REEP1: variants seen among roughly 807,000 people sequenced by gnomAD.
REEP1 encodes the protein receptor expression-enhancing protein 1.
REEP1 carries 22 observed loss-of-function variants against 40.3 expected under a neutral mutation model. The observed-to-expected ratio is 0.55, with a 90% CI of 0.39 to 0.78. The LOEUF (loss-of-function observed/expected upper bound fraction) is 0.78. REEP1 is among the 30% of genes least tolerant of loss of function. The pLI, the probability that REEP1 is intolerant of heterozygous loss-of-function variation, is 0.00. For synonymous variants in REEP1, 116 were observed against 139.2 expected (o/e 0.83, Z 1.17); for missense variants, 280 against 361.1 (o/e 0.78, Z 1.82).
chr2:86,220,689 T>C (rs1264544765), intron 7 of REEP1, among the ~76,000 whole-genome samples: 2 of 140,770 alleles, frequency 1.4e-5, no homozygotes, highest in African/African-American at 2.5e-5. Context: ...TAAACAAAGC[T>C]ATATAGTTTT....
intron 2 of REEP1, among the ~76,000 whole-genome samples, chr2:86,274,834 A>G (rs577355065): frequency 1.3e-5 from 2 of 152,260 alleles, no homozygotes; most frequent in South Asian, 4.1e-4. Context: ...GATGGGAAAG[A>G]TGCTGTGACC....
chr2:86,308,399 A>T lies in REEP1; in HGVS notation c.33-26157T>A, dbSNP rs1005706001. On this transcript the variant is annotated intron_variant, in intron 1 of 8. Transcript: ENST00000538924. ...TCTACTAAAAATACAAAAAAAAATT[A>T]GCTGGGCGTGGTAGTGCACGCCTGT... Among the ~76,000 whole-genome samples, 4 of 151,986 alleles carry T rather than the reference A, an allele frequency of 2.6e-5. No individual in the cohort carries two copies. In the South Asian group the frequency reaches 8.3e-4, roughly 31 times the overall value.
intron 1 of REEP1, among the ~76,000 whole-genome samples, chr2:86,318,983 C>T (rs1373003906): frequency 6.6e-6 from 1 of 152,090 alleles, no homozygotes; most frequent in Admixed American, 6.5e-5. Context: ...TATTCGATAT[C>T]AGTGTAAAAT....
At chr2:86,335,135 A>C (rs940756211) in intron 1 of REEP1, among the ~76,000 whole-genome samples, 3 of 152,224 alleles carry the variant, frequency 2.0e-5, no homozygotes, top group Non-Finnish European at 4.4e-5. Context: ...GCAATACAGG[A>C]AAATTTCTTG....
At chr2:86,283,239 C>G (rs139251590) in intron 1 of REEP1, among the ~76,000 whole-genome samples, 1 of 152,296 alleles carries the variant, frequency 6.6e-6, no homozygotes, top group African/African-American at 2.4e-5. Context: ...TTGCTCAACA[C>G]TGTGTTCCCA....
chr2:86,238,975 G>C (rs896463572), intron 5 of REEP1, among the ~76,000 whole-genome samples: 1 of 151,954 alleles, frequency 6.6e-6, no homozygotes, highest in Non-Finnish European at 1.5e-5. Context: ...AAGGCTACGT[G>C]GTTTCTTCGT....
chr2:86,278,672 T>C (rs1677897276), intron 2 of REEP1, among the ~76,000 whole-genome samples: 1 of 152,212 alleles, frequency 6.6e-6, no homozygotes, highest in Admixed American at 6.5e-5. Flanking sequence ...AGTCCTGTTA[T>C]TTGGGCCCCT....
intron 1 of REEP1, among the ~76,000 whole-genome samples, chr2:86,315,961 G>A (rs1441152770): frequency 4.6e-5 from 7 of 152,150 alleles, no homozygotes; most frequent in Admixed American, 3.3e-4. Flanking sequence ...CTCTCTCTCT[G>A]GGAGAGATGC....
intron 1 of REEP1, among the ~76,000 whole-genome samples, chr2:86,319,240 G>T (rs1680169280): frequency 6.6e-6 from 1 of 152,302 alleles, no homozygotes; most frequent in South Asian, 2.1e-4. Flanking sequence ...GGGCGAGGCT[G>T]AGAATTTACA....
At chr2:86,228,301 C>A (rs369812486) in intron 6 of REEP1, among the ~76,000 whole-genome samples, 1 of 152,148 alleles carries the variant, frequency 6.6e-6, no homozygotes, top group East Asian at 1.9e-4. Context: ...GAGCTTGCAG[C>A]GCTGAGTGAC....
chr2:86,337,682 C>A, upstream of REEP1: 1 of 999,836 alleles, frequency 1.0e-6, no homozygotes, highest in South Asian at 4.6e-5. This position sits in a 1 kb window ranked among gnomAD's most constrained non-coding sequence, Gnocchi z 5.8. Context: ...GCGGCACGTT[C>A]TGGCGGCGGC....
intron 7 of REEP1, among the ~76,000 whole-genome samples, chr2:86,223,159 GT>G (rs1674515082): frequency 6.6e-6 from 1 of 152,242 alleles, no homozygotes; most frequent in Non-Finnish European, 1.5e-5. Flanking sequence ...AAAGGGCAGG[GT>G]TTCTGCCGTC....
intron 1 of REEP1, among the ~76,000 whole-genome samples, chr2:86,331,713 T>A (rs1680774384): frequency 6.6e-6 from 1 of 151,998 alleles, no homozygotes; most frequent in Admixed American, 6.6e-5. Context: ...CAGGAGGAGA[T>A]GTTAACTCAA....
chr2:86,276,180 A>G (rs918353010), intron 2 of REEP1, among the ~76,000 whole-genome samples: 3 of 152,176 alleles, frequency 2.0e-5, no homozygotes, highest in Non-Finnish European at 4.4e-5. Flanking sequence ...CCTGGCCACA[A>G]CCACTGCTCA....
At chr2:86,306,015 T>C (rs552093439) in intron 1 of REEP1, among the ~76,000 whole-genome samples, 5 of 152,316 alleles carry the variant, frequency 3.3e-5, no homozygotes, top group African/African-American at 4.8e-5. Flanking sequence ...ATGTTTTCAT[T>C]TTGCTATGAA....
chr2:86,303,052 T>C (rs1390455567), intron 1 of REEP1, among the ~76,000 whole-genome samples: 2 of 152,128 alleles, frequency 1.3e-5, no homozygotes, highest in South Asian at 2.1e-4. Context: ...AAAATATTTT[T>C]ATTTTTTAGA....
intron 5 of REEP1, among the ~76,000 whole-genome samples, chr2:86,241,122 C>T (rs973873081): frequency 6.6e-6 from 1 of 152,208 alleles, no homozygotes; most frequent in Non-Finnish European, 1.5e-5. Context: ...CCAGGAGGGA[C>T]CCTCCACATA....
intron 1 of REEP1, among the ~76,000 whole-genome samples, chr2:86,307,186 A>G (rs1679525096): frequency 6.6e-6 from 1 of 151,194 alleles, no homozygotes; most frequent in South Asian, 2.1e-4. Context: ...CCTGGGCAAC[A>G]CAGCAATACT....
intron 4 of REEP1, among the ~76,000 whole-genome samples, chr2:86,252,401 C>T (rs1437202027): frequency 1.3e-5 from 2 of 152,180 alleles, no homozygotes; most frequent in African/African-American, 4.8e-5. Flanking sequence ...TCACCAGACA[C>T]TGAAAGCACC....
Sources: allele counts gnomAD v4.1 joint callset (sites outside exome capture counted in the v4.1 genomes callset), GRCh38; gene constraint gnomAD v4.1.1; non-coding constraint Gnocchi (gnomAD v3.1); transcripts MANE v1.5; gene names NCBI Gene and HGNC (gene_info 2026-07-23, HGNC 2026-07-21).